Variants in CDC14A observed in about 807,000 individuals in gnomAD.
CDC14A encodes dual specificity protein phosphatase CDC14A.
Under a neutral mutation model 74.4 loss-of-function variants are expected in CDC14A, and 53 were observed. The ratio of observed to expected loss-of-function variants is 0.71; its 90% CI spans 0.57 to 0.89. The LOEUF (loss-of-function observed/expected upper bound fraction) is 0.89. Among genes scored for constraint, CDC14A ranks in the 40% least tolerant of loss-of-function variants. CDC14A has a pLI of 0.00. For synonymous variants in CDC14A, 247 were observed against 258.4 expected (o/e 0.96, Z 0.43); for missense variants, 646 against 713.7 (o/e 0.91, Z 1.08).
intron 3 of CDC14A, among the ~76,000 whole-genome samples, chr1:100,385,497 T>A (rs1656701780): frequency 6.6e-6 from 1 of 152,232 alleles, no homozygotes; most frequent in South Asian, 2.1e-4. Flanking sequence ...TGAAAAGTCT[T>A]AGTACTATTG....
At chr1:100,470,209 T>A (rs1164116116) in intron 10 of CDC14A, among the ~76,000 whole-genome samples, 1 of 152,166 alleles carries the variant, frequency 6.6e-6, no homozygotes, top group Non-Finnish European at 1.5e-5. Context: ...ATTATATGAT[T>A]ATCCCAATAG....
intron 4 of CDC14A, among the ~76,000 whole-genome samples, chr1:100,402,593 G>A (rs1659412003): frequency 6.6e-6 from 1 of 152,112 alleles, no homozygotes. Flanking sequence ...TATCTCCACA[G>A]AACACTCACT....
intron 4 of CDC14A, among the ~76,000 whole-genome samples, chr1:100,415,387 C>A (rs967510601): frequency 2.0e-5 from 3 of 152,144 alleles, no homozygotes; most frequent in African/African-American, 4.8e-5. Context: ...AAAACATACT[C>A]ATTTCTAGAC....
At chr1:100,510,756 T>A (rs898479151) in intron 15 of CDC14A, among the ~76,000 whole-genome samples, 1 of 152,246 alleles carries the variant, frequency 6.6e-6, no homozygotes. Context: ...ACTTTGCCAA[T>A]TGGCTCCATC....
At chr1:100,433,589 T>A (rs1251499058) in intron 5 of CDC14A, among the ~76,000 whole-genome samples, 3 of 152,248 alleles carry the variant, frequency 2.0e-5, no homozygotes, top group Admixed American at 6.5e-5. Context: ...TCAGCTCTTT[T>A]TGTATTTTTT....
At chr1:100,505,774 A>G (rs1024536134) in intron 15 of CDC14A, among the ~76,000 whole-genome samples, 2 of 152,182 alleles carry the variant, frequency 1.3e-5, no homozygotes, top group African/African-American at 4.8e-5. Flanking sequence ...GCTATTAAGA[A>G]ATACCTGAGG....
At chr1:100,401,667 A>G (rs901363629) in intron 4 of CDC14A, among the ~76,000 whole-genome samples, 2 of 152,206 alleles carry the variant, frequency 1.3e-5, no homozygotes, top group African/African-American at 4.8e-5. Context: ...TTATTTATAC[A>G]TATAAGTATT....
At chr1:100,514,997 A>G (rs1650068248) in intron 15 of CDC14A, among the ~76,000 whole-genome samples, 2 of 152,246 alleles carry the variant, frequency 1.3e-5, no homozygotes, top group South Asian at 4.1e-4. Context: ...TTTACAATAC[A>G]TGGACATTTG....
chr1:100,404,051 T>A (rs1482867353), intron 4 of CDC14A, among the ~76,000 whole-genome samples: 2 of 150,856 alleles, frequency 1.3e-5, no homozygotes. Flanking sequence ...TTCCCCTATT[T>A]TGGAAAGTGA....
chr1:100,482,819 T>C (rs567114890), intron 10 of CDC14A, among the ~76,000 whole-genome samples: 2 of 151,990 alleles, frequency 1.3e-5, no homozygotes, highest in African/African-American at 4.8e-5. Flanking sequence ...TCGAAAGATA[T>C]AGATATCTAT....
chr1:100,498,112 A>C lies in CDC14A; in HGVS notation c.1326A>C (p.Ala442=), dbSNP rs1648137428. The C allele has an allele frequency of 9.3e-6, 15 of 1,614,008 alleles. No homozygotes were observed. The highest frequency in any genetic ancestry group is 1.3e-5 in the Non-Finnish European group (15 of 1,179,998). ...TAAGTTCATCCCTGCAAGGATCTGC[A>C]GTTACTTTGAAGACATCAAAAATGG... is the stretch of plus-strand genomic sequence containing the variant. The part of the protein sequence containing the change: ...FRLSSSLQGS[A]VTLKTSKMAL... The change falls in exon 14 of 16, where the codon GCA becomes GCC. Residue 442 remains alanine (A), a synonymous_variant. Transcript: ENST00000336454.
chr1:100,500,293 T>C (rs1648550350), intron 15 of CDC14A, among the ~76,000 whole-genome samples: 1 of 152,196 alleles, frequency 6.6e-6, no homozygotes. Flanking sequence ...TCACACTTGC[T>C]ATTCTTGAAA....
At chr1:100,368,772 C>T (rs1010897944) in intron 2 of CDC14A, among the ~76,000 whole-genome samples, 1 of 152,128 alleles carries the variant, frequency 6.6e-6, no homozygotes, top group African/African-American at 2.4e-5. Context: ...TCCTTCATGT[C>T]TATTGTTGCC....
At position 100,450,146 on chromosome 1, in the gene CDC14A, C is replaced by T. The variant is rs149910864; in HGVS notation, c.520-5259C>T. On this transcript the variant is annotated intron_variant, in intron 7 of 15. Coordinates refer to ENST00000336454, the MANE Select transcript of CDC14A (RefSeq NM_003672.4). ...CTATCTCCAGGTTGACTCTGTCATC[C>T]TTCACTGCATAAGTAAATTTTCAGA... Among the ~76,000 whole-genome samples, 620 of 152,262 alleles carry T rather than the reference C, an allele frequency of 4.1e-3. 2 individuals are homozygous for T. The highest frequency in any genetic ancestry group is 6.6e-3 in the Non-Finnish European group (449 of 68,016).
At chr1:100,480,216 G>A (rs1669310403) in intron 10 of CDC14A, among the ~76,000 whole-genome samples, 1 of 152,076 alleles carries the variant, frequency 6.6e-6, no homozygotes, top group Non-Finnish European at 1.5e-5. Flanking sequence ...GAATTTGCCT[G>A]TTCCAGATTC....
At chr1:100,439,027 T>A (rs1384748208) in intron 5 of CDC14A, among the ~76,000 whole-genome samples, 2 of 152,222 alleles carry the variant, frequency 1.3e-5, no homozygotes, top group Non-Finnish European at 2.9e-5. Context: ...AACACTGTAG[T>A]GTTAAAGCTC....
intron 11 of CDC14A, among the ~76,000 whole-genome samples, chr1:100,494,000 G>C (rs1416458615): frequency 6.6e-6 from 1 of 152,160 alleles, no homozygotes. Context: ...AGGAAAAAAG[G>C]CAAAATACAG....
intron 1 of CDC14A, among the ~76,000 whole-genome samples, chr1:100,346,735 C>T (rs1467006105): frequency 6.6e-6 from 1 of 151,882 alleles, no homozygotes; most frequent in East Asian, 1.9e-4. Flanking sequence ...TTAAGTATAG[C>T]AAACTGGACA....
intron 2 of CDC14A, among the ~76,000 whole-genome samples, chr1:100,362,615 T>C (rs1401749123): frequency 1.3e-5 from 2 of 152,242 alleles, no homozygotes; most frequent in African/African-American, 4.8e-5. Context: ...TGAAGCAAAG[T>C]AGAGCTGTGA....
Sources: gnomAD v4.1 joint callset for allele counts (sites outside exome capture counted in the v4.1 genomes callset) on GRCh38, gnomAD v4.1.1 for gene constraint, MANE v1.5 for transcripts, NCBI Gene and HGNC (gene_info 2026-07-23, HGNC 2026-07-21) for gene names.